Variants in CAMTA1 observed in about 807,000 individuals in gnomAD.
CAMTA1 encodes the protein calmodulin-binding transcription activator 1.
In CAMTA1, 27 loss-of-function variants were observed where a neutral mutation model predicts 170.9. The ratio of observed to expected loss-of-function variants is 0.16; its 90% CI spans 0.12 to 0.22. CAMTA1 has a LOEUF of 0.22. Ranked by LOEUF, CAMTA1 falls within the 10% of genes least tolerant of loss-of-function variation. CAMTA1 has a pLI of 1.00. For synonymous variants in CAMTA1, 833 were observed against 891.5 expected (o/e 0.93, Z 1.17); for missense variants, 1,619 against 2,217.2 (o/e 0.73, Z 5.42).
At chr1:6,974,089 A>G (rs1692997558) in intron 3 of CAMTA1, among the ~76,000 whole-genome samples, 2 of 152,246 alleles carry the variant, frequency 1.3e-5, no homozygotes, top group South Asian at 4.1e-4. Context: ...GACAGGCTGG[A>G]GCTTACTGGG....
At chr1:6,927,156 C>T (rs1683454785) in intron 3 of CAMTA1, among the ~76,000 whole-genome samples, 1 of 152,030 alleles carries the variant, frequency 6.6e-6, no homozygotes, top group African/African-American at 2.4e-5. Context: ...TCCCGAGTAG[C>T]TAGGACCACA....
At chr1:7,305,882 GTTTTAATGGTTTGCA>G (rs1037244690) in intron 5 of CAMTA1, among the ~76,000 whole-genome samples, 2 of 152,018 alleles carry the variant, frequency 1.3e-5, no homozygotes, top group African/African-American at 4.8e-5. Context: ...TCTCATTGTG[GTTTTAATGGTTTGCA>G]TTTCTCTAAT....
At chr1:7,319,744 A>G (rs1372235501) in intron 5 of CAMTA1, among the ~76,000 whole-genome samples, 1 of 152,232 alleles carries the variant, frequency 6.6e-6, no homozygotes, top group Non-Finnish European at 1.5e-5. Flanking sequence ...AGAAGATTCA[A>G]CAATGAGCAA....
chr1:7,089,106 C>T (rs1425937965), intron 3 of CAMTA1, among the ~76,000 whole-genome samples: 8 of 152,176 alleles, frequency 5.3e-5, no homozygotes, highest in African/African-American at 2.4e-5. Flanking sequence ...AGACAGGTGG[C>T]TCACACCACG....
In CAMTA1 at chr1:6,884,881, A is replaced by G. The variant is rs191165000; in HGVS notation, c.234+59671A>G. ...TTATCATTAACTGTGTTGCTTTCCT[A>G]TCTTTTACACAAAGTATTCTCCTTC... On this transcript the variant is annotated intron_variant, in intron 3 of 22. Transcript: ENST00000303635. Among the ~76,000 whole-genome samples, 58 of 152,328 alleles carry G rather than the reference A, an allele frequency of 3.8e-4. 1 individual carries two copies. The highest frequency in any genetic ancestry group is 1.4e-3 in the African/African-American group (58 of 41,570).
At chr1:7,467,591 GAGGGTA>G in intron 5 of CAMTA1, among the ~76,000 whole-genome samples, 1 of 152,314 alleles carries the variant, frequency 6.6e-6, no homozygotes, top group South Asian at 2.1e-4. Context: ...ATGGCTCCCG[GAGGGTA>G]AGGCCCCAGC....
At chr1:7,042,135 C>T (rs897926338) in intron 3 of CAMTA1, among the ~76,000 whole-genome samples, 1 of 152,206 alleles carries the variant, frequency 6.6e-6, no homozygotes, top group Non-Finnish European at 1.5e-5. Flanking sequence ...GAGAATTCCC[C>T]TCCTCCAGCC....
chr1:6,807,655 G>T (rs1043836438), intron 1 of CAMTA1, among the ~76,000 whole-genome samples: 2 of 151,608 alleles, frequency 1.3e-5, no homozygotes, highest in African/African-American at 4.9e-5. Flanking sequence ...AGGAGGCGGA[G>T]GTTGCAGTGA....
chr1:7,227,044 A>C (rs2149171716), intron 4 of CAMTA1, among the ~76,000 whole-genome samples: 1 of 152,010 alleles, frequency 6.6e-6, no homozygotes, highest in East Asian at 2.0e-4. Context: ...TGTGTTAGCC[A>C]GCATGGTCTC....
chr1:7,477,440 G>A (rs1193182), intron 6 of CAMTA1, among the ~76,000 whole-genome samples: 101,499 of 152,010 alleles, frequency 0.67, 35,260 homozygotes, highest in African/African-American at 0.85. Flanking sequence ...TTACGGTGCT[G>A]TGCAAAAAAT....
intron 9 of CAMTA1, among the ~76,000 whole-genome samples, chr1:7,667,647 G>A (rs933012765): frequency 1.3e-5 from 2 of 152,140 alleles, no homozygotes; most frequent in Non-Finnish European, 2.9e-5. Context: ...GTGTCCTGGC[G>A]AGTGGGACAT....
intron 5 of CAMTA1, among the ~76,000 whole-genome samples, chr1:7,440,112 C>CA (rs1359890639): frequency 6.6e-6 from 1 of 152,272 alleles, no homozygotes. Context: ...GCTCAGGTGG[C>CA]ACTGGCCCCG....
chr1:7,372,066 C>T (rs1160976742), intron 5 of CAMTA1, among the ~76,000 whole-genome samples: 1 of 152,200 alleles, frequency 6.6e-6, no homozygotes, highest in East Asian at 1.9e-4. Context: ...GGGCTCTGAC[C>T]TCTCCCTGAA....
At chr1:7,376,659 A>G (rs899733192) in intron 5 of CAMTA1, among the ~76,000 whole-genome samples, 21 of 152,174 alleles carry the variant, frequency 1.4e-4, no homozygotes, top group Admixed American at 1.4e-3. Context: ...ATTTCATACT[A>G]GAGACTGGAA....
chr1:7,265,570 T>C (rs951841318), intron 5 of CAMTA1, among the ~76,000 whole-genome samples: 12 of 152,184 alleles, frequency 7.9e-5, no homozygotes, highest in African/African-American at 2.9e-4. Context: ...CACCTTGGCC[T>C]CCTAAAGTGC....
chr1:7,469,923 C>T (rs541705977), intron 6 of CAMTA1, among the ~76,000 whole-genome samples: 2 of 152,374 alleles, frequency 1.3e-5, no homozygotes, highest in African/African-American at 4.8e-5. Context: ...CCAGCCCTCC[C>T]TCACTGGCGC....
At chr1:6,838,075 A>G (rs1267519002) in intron 3 of CAMTA1, among the ~76,000 whole-genome samples, 1 of 152,192 alleles carries the variant, frequency 6.6e-6, no homozygotes, top group Non-Finnish European at 1.5e-5. Flanking sequence ...TATATACAAT[A>G]GTCCCTGGAG....
At chr1:7,567,958 C>T (rs1190351488) in intron 6 of CAMTA1, among the ~76,000 whole-genome samples, 1 of 152,184 alleles carries the variant, frequency 6.6e-6, no homozygotes, top group Non-Finnish European at 1.5e-5. Context: ...ATACTATCAC[C>T]TACCTAACTG....
intron 11 of CAMTA1, among the ~76,000 whole-genome samples, chr1:7,710,242 A>G (rs1438123947): frequency 6.6e-6 from 1 of 152,208 alleles, no homozygotes; most frequent in Non-Finnish European, 1.5e-5. Flanking sequence ...CATTTATCAC[A>G]TGTTTTGTAG....
Sources: allele counts gnomAD v4.1 joint callset (sites outside exome capture counted in the v4.1 genomes callset), GRCh38; gene constraint gnomAD v4.1.1; transcripts MANE v1.5; gene names NCBI Gene and HGNC (gene_info 2026-07-23, HGNC 2026-07-21).